Variants in IPCEF1 observed in about 807,000 individuals in gnomAD.
IPCEF1 encodes the protein interactor protein for cytohesin exchange factors 1.
A neutral mutation model predicts 50.9 loss-of-function variants in IPCEF1; 31 were observed. That is an observed-to-expected ratio of 0.61 (90% CI 0.46 to 0.82). The LOEUF is 0.82. Among genes scored for constraint, IPCEF1 ranks in the 40% least tolerant of loss-of-function variants. The pLI, the probability that IPCEF1 is intolerant of heterozygous loss-of-function variation, is 0.00. For missense variants in IPCEF1, 458 were observed against 514.0 expected, an observed-to-expected ratio of 0.89 and a Z score of 1.05; for synonymous variants, 181 against 192.0, an observed-to-expected ratio of 0.94 and a Z score of 0.47.
intron 1 of IPCEF1, among the ~76,000 whole-genome samples, chr6:154,301,226 CATT>C (rs1229448659): frequency 6.6e-6 from 1 of 152,150 alleles, no homozygotes; most frequent in Non-Finnish European, 1.5e-5. Context: ...TGATCCCTCA[CATT>C]ATAGTTTGGA....
At chr6:154,347,015 A>G (rs1015046186) in intron 1 of IPCEF1, among the ~76,000 whole-genome samples, 1 of 152,074 alleles carries the variant, frequency 6.6e-6, no homozygotes, top group South Asian at 2.1e-4. Flanking sequence ...AATTCTCCTC[A>G]GCTTTGATCT....
chr6:154,180,414 ATTT>A (rs761333730), intron 10 of IPCEF1, among the ~76,000 whole-genome samples: 1 of 65,268 alleles, frequency 1.5e-5, no homozygotes. Context: ...ATATATATAT[ATTT>A]TTTTTTTAAA....
At chr6:154,288,676 CAAAAAAAAAAAAAAA>C (rs558703057) in intron 2 of IPCEF1, among the ~76,000 whole-genome samples, 490 of 46,936 alleles carry the variant, frequency 0.01, 1 homozygote, top group Middle Eastern at 0.031. Context: ...ACAAAAAAAA[CAAAAAAAAAAAAAAA>C]AAAAAAAAAA....
chr6:154,340,097 G>A (rs890734549), intron 1 of IPCEF1, among the ~76,000 whole-genome samples: 68 of 152,176 alleles, frequency 4.5e-4, no homozygotes, highest in African/African-American at 1.6e-3. Context: ...AGTGAACCCC[G>A]AAAATTTGAG....
At chr6:154,331,405 A>AAGAAAGAGAG (rs60403800) in intron 1 of IPCEF1, among the ~76,000 whole-genome samples, 2 of 92,948 alleles carry the variant, frequency 2.2e-5, no homozygotes, top group African/African-American at 4.1e-5. Context: ...GAAAGAAAGA[A>AAGAAAGAGAG]AGAGAGAGAA....
intron 3 of IPCEF1, among the ~76,000 whole-genome samples, chr6:154,256,667 G>A (rs996525219): frequency 6.6e-6 from 1 of 151,294 alleles, no homozygotes; most frequent in African/African-American, 2.4e-5. Context: ...CTGTTTAGAA[G>A]TTACCTCTAG....
intron 1 of IPCEF1, among the ~76,000 whole-genome samples, chr6:154,302,490 G>A (rs115721808): frequency 2.0e-5 from 3 of 152,068 alleles, no homozygotes; most frequent in Non-Finnish European, 4.4e-5. Flanking sequence ...TCTCTTTAGT[G>A]GGGGAAGGGG....
chr6:154,235,931 C>CCCTT (rs1422372004), intron 5 of IPCEF1, among the ~76,000 whole-genome samples: 5 of 152,152 alleles, frequency 3.3e-5, no homozygotes, highest in East Asian at 1.9e-4. Flanking sequence ...GAAAATGGAA[C>CCCTT]CCTTGTGTTC....
At chr6:154,200,163 G>T in intron 9 of IPCEF1, 123 bp from the exon 10 acceptor site, 1 of 826,896 alleles carries the variant, frequency 1.2e-6, no homozygotes, top group Non-Finnish European at 1.8e-6. Flanking sequence ...AATAATAAAA[G>T]AGTCAAAAGG....
intron 5 of IPCEF1, among the ~76,000 whole-genome samples, chr6:154,243,673 C>T (rs1199922698): frequency 6.6e-6 from 1 of 152,154 alleles, no homozygotes; most frequent in African/African-American, 2.4e-5. Context: ...AGGCAGAAAA[C>T]AGGGTGGTCT....
intron 7 of IPCEF1, among the ~76,000 whole-genome samples, chr6:154,216,317 G>T (rs529918943): frequency 6.6e-6 from 1 of 152,074 alleles, no homozygotes; most frequent in Non-Finnish European, 1.5e-5. Context: ...GGGGTGGGGG[G>T]TGGTTGTAAT....
chr6:154,244,943 T>A (rs949105706), intron 5 of IPCEF1, among the ~76,000 whole-genome samples: 1 of 152,190 alleles, frequency 6.6e-6, no homozygotes, highest in African/African-American at 2.4e-5. Context: ...GGTTCTCTCA[T>A]GTTATAAAAG....
chr6:154,164,697 G>A (rs1799288128), intron 11 of IPCEF1, among the ~76,000 whole-genome samples: 1 of 152,194 alleles, frequency 6.6e-6, no homozygotes, highest in Non-Finnish European at 1.5e-5. Context: ...TTCCACCAGA[G>A]TAGCTACGGG....
intron 10 of IPCEF1, among the ~76,000 whole-genome samples, chr6:154,180,414 A>ATATATATATTTT (rs1241250621): frequency 3.7e-4 from 24 of 65,252 alleles, no homozygotes; most frequent in Non-Finnish European, 5.1e-4. Flanking sequence ...ATATATATAT[A>ATATATATATTTT]TTTTTTTTTT....
chr6:154,225,146 C>A (rs560167556), intron 5 of IPCEF1, among the ~76,000 whole-genome samples: 1 of 152,162 alleles, frequency 6.6e-6, no homozygotes, highest in East Asian at 1.9e-4. Context: ...GTCAAGTATC[C>A]CAAATCTGAA....
At chr6:154,215,357 A>T (rs1778306256) in intron 7 of IPCEF1, among the ~76,000 whole-genome samples, 1 of 152,170 alleles carries the variant, frequency 6.6e-6, no homozygotes, top group Non-Finnish European at 1.5e-5. Context: ...GCCTCCCAGC[A>T]CTTCAGGAGG....
intron 9 of IPCEF1, among the ~76,000 whole-genome samples, chr6:154,207,298 G>A (rs937959549): frequency 1.3e-5 from 2 of 152,184 alleles, no homozygotes; most frequent in African/African-American, 4.8e-5. Flanking sequence ...AAATCAGTTA[G>A]ATATTCAACC....
chr6:154,316,967 T>C lies in IPCEF1; in HGVS notation c.-61-27211A>G, dbSNP rs80341621. ...CCATATGAAAAAAAATTAACTTCAATTCCTACCTCATAGACCTAAACTTGA... is the reference window on the plus strand; with the variant it reads ...CCATATGAAAAAAAATTAACTTCAACTCCTACCTCATAGACCTAAACTTGA... On this transcript the variant is annotated intron_variant, in intron 1 of 11. Coordinates refer to ENST00000367220, the MANE Select transcript of IPCEF1 (RefSeq NM_001130700.2). Among the ~76,000 whole-genome samples the C allele has an allele frequency of 3.8e-3, 574 of 152,286 alleles. 1 individual carries two copies. Among genetic ancestry groups the C allele is most frequent in the African/African-American group, 0.013 (548 of 41,552 alleles).
intron 11 of IPCEF1, among the ~76,000 whole-genome samples, chr6:154,164,562 T>G (rs1467538517): frequency 1.3e-5 from 2 of 152,206 alleles, no homozygotes; most frequent in African/African-American, 4.8e-5. Flanking sequence ...CTCTGCTTTC[T>G]GGCAGGCAAG....
Sources: allele counts gnomAD v4.1 joint callset (sites outside exome capture counted in the v4.1 genomes callset), GRCh38; gene constraint gnomAD v4.1.1; transcripts MANE v1.5; gene names NCBI Gene and HGNC (gene_info 2026-07-23, HGNC 2026-07-21).